Variants in GALNT18 observed in about 807,000 individuals in gnomAD.
The protein encoded by GALNT18 is GalNAc-transferase 18.
In GALNT18, 44 loss-of-function variants were observed where a neutral mutation model predicts 69.5. The observed-to-expected ratio is 0.63, with a 90% CI of 0.50 to 0.81. The LOEUF (loss-of-function observed/expected upper bound fraction) is 0.81. Among genes scored for constraint, GALNT18 ranks in the 40% least tolerant of loss-of-function variants. GALNT18 has a pLI of 0.00. For missense variants in GALNT18, 715 were observed against 810.0 expected (o/e 0.88, Z 1.42); for synonymous variants, 364 against 318.2 (o/e 1.14, Z -1.53).
chr11:11,359,592 A>G (rs566195563), intron 6 of GALNT18, among the ~76,000 whole-genome samples: 1 of 152,114 alleles, frequency 6.6e-6, no homozygotes, highest in African/African-American at 2.4e-5. Flanking sequence ...TTACCCCTCC[A>G]GTTCTGAAGT....
intron 1 of GALNT18, among the ~76,000 whole-genome samples, chr11:11,489,645 T>C (rs565594523): frequency 1.3e-5 from 2 of 152,348 alleles, no homozygotes; most frequent in Admixed American, 1.3e-4. Flanking sequence ...AGGAATGTTC[T>C]TAATTTCTCT....
Position 11,383,304 on chromosome 11 carries a change from T to C in GALNT18, c.596-4040A>G, listed in dbSNP as rs1430628539. ...CTCATCTACCCCCTTCCACTGCTTC[T>C]ATAAGAAGTTGTTGGCTCCACAACC... On this transcript the variant is annotated intron_variant, in intron 3 of 10. Transcript: ENST00000227756. The surrounding 1 kb of genome is among the most constrained non-coding windows in gnomAD (Gnocchi z 5.2). 6.6e-6 allele frequency among the ~76,000 whole-genome samples: 1 copy of C among 152,214 alleles called. No individual in the cohort carries two copies. The highest frequency in any genetic ancestry group is 1.5e-5 in the Non-Finnish European group (1 of 68,038).
chr11:11,507,954 C>T (rs181501552), intron 1 of GALNT18, among the ~76,000 whole-genome samples: 43 of 152,310 alleles, frequency 2.8e-4, no homozygotes, highest in Admixed American at 2.2e-3. Context: ...GTTCTACCTT[C>T]GACCACAGAC....
At chr11:11,344,228 C>G (rs187824555) in intron 6 of GALNT18, among the ~76,000 whole-genome samples, 10,725 of 147,304 alleles carry the variant, frequency 0.073, 414 homozygotes, top group East Asian at 0.17. Context: ...GCTGTAGCCA[C>G]GCTATTTTTT....
rs189325970 is a variant in GALNT18 at position 11,364,822 on chromosome 11, A to C, written c.1092+7693T>G. On this transcript the variant is annotated intron_variant, in intron 6 of 10. Transcript: ENST00000227756. ...ACTGAAATATTTTTGATGAAATGAT[A>C]TGATGTCTGGGATTTCCCTCAAAAT... 2.9e-3 allele frequency among the ~76,000 whole-genome samples: 440 copies of C among 152,296 alleles called. 1 individual carries two copies. The highest frequency in any genetic ancestry group is 7.8e-3 in the Admixed American group (120 of 15,298).
rs369900506 is a variant in GALNT18 at position 11,321,128 on chromosome 11, C to G, written c.1512+5958G>C. On this transcript the variant is annotated intron_variant, in intron 9 of 10. Coordinates refer to ENST00000227756, the MANE Select transcript of GALNT18 (RefSeq NM_198516.3). ...ACAAATTCACAGTTTCCCACGCCAA[C>G]TGAATTTCAAAACAAAGGAATTAGA... 8.5e-5 allele frequency among the ~76,000 whole-genome samples: 13 copies of G among 152,316 alleles called. No homozygotes were observed. In the South Asian group the frequency reaches 2.7e-3, roughly 32 times the overall value.
intron 9 of GALNT18, among the ~76,000 whole-genome samples, chr11:11,321,578 A>G (rs1261659674): frequency 6.6e-6 from 1 of 152,254 alleles, no homozygotes; most frequent in East Asian, 1.9e-4. Flanking sequence ...TAACTCAGTG[A>G]TGCTCCAACA....
chr11:11,492,515 A>G (rs1236101183), intron 1 of GALNT18, among the ~76,000 whole-genome samples: 1 of 152,236 alleles, frequency 6.6e-6, no homozygotes, highest in African/African-American at 2.4e-5. Context: ...CATCAATGAT[A>G]GACTGGATAA....
chr11:11,282,273 G>C (rs953621940), intron 10 of GALNT18, among the ~76,000 whole-genome samples: 17 of 152,140 alleles, frequency 1.1e-4, no homozygotes, highest in African/African-American at 3.9e-4. Flanking sequence ...AGCACCGTGG[G>C]AGCAGCCTCC....
chr11:11,430,649 A>G lies in GALNT18; in HGVS notation c.595+1972T>C, dbSNP rs1855244166. Among the ~76,000 whole-genome samples, 1 of 152,104 alleles carries G rather than the reference A, an allele frequency of 6.6e-6. No individual in the cohort carries two copies. The highest frequency in any genetic ancestry group is 2.1e-4 in the South Asian group (1 of 4,816). On this transcript the variant is annotated intron_variant, in intron 3 of 10. Transcript: ENST00000227756. This position sits in a 1 kb window ranked among gnomAD's most constrained non-coding sequence, Gnocchi z 4.9. ...GGGGCAATGCATTGCCATCCTCTGA[A>G]TCACCCTGGCTTGAAACTCTGAGCC...
chr11:11,503,966 G>T (rs1050986232), intron 1 of GALNT18, among the ~76,000 whole-genome samples: 4 of 152,120 alleles, frequency 2.6e-5, no homozygotes, highest in Non-Finnish European at 5.9e-5. Context: ...AACAGCAAAG[G>T]TTCATTTAGT....
chr11:11,284,643 G>A (rs1474111976), intron 10 of GALNT18, among the ~76,000 whole-genome samples: 1 of 152,150 alleles, frequency 6.6e-6, no homozygotes, highest in Non-Finnish European at 1.5e-5. Context: ...ATACTTCTCT[G>A]CTTATTTTAG....
rs540911513 is a variant in GALNT18, at chr11:11,389,691, G to A, written c.596-10427C>T. On this transcript the variant is annotated intron_variant, in intron 3 of 10. Transcript: ENST00000227756. The surrounding 1 kb of genome is among the most constrained non-coding windows in gnomAD (Gnocchi z 4.3). ...AGAAGAGTCCTCCCATGAGCTTCTA[G>A]GGAGGGCGTACCAAGAACTCAAAGC... is the stretch of plus-strand genomic sequence containing the variant. 6.6e-6 allele frequency among the ~76,000 whole-genome samples: 1 copy of A among 152,316 alleles called. No homozygotes were observed. The highest frequency in any genetic ancestry group is 2.4e-5 in the African/African-American group (1 of 41,582).
At chr11:11,324,112 C>T (rs535072431) in intron 9 of GALNT18, among the ~76,000 whole-genome samples, 1 of 152,282 alleles carries the variant, frequency 6.6e-6, no homozygotes, top group African/African-American at 2.4e-5. Context: ...AGAAAGGAGC[C>T]CTCACCAGAA....
At chr11:11,397,458 G>T (rs1387041320) in intron 3 of GALNT18, among the ~76,000 whole-genome samples, 3 of 152,098 alleles carry the variant, frequency 2.0e-5, no homozygotes, top group South Asian at 2.1e-4. Context: ...AGGACCTGGA[G>T]AACTCTTGAG....
intron 9 of GALNT18, among the ~76,000 whole-genome samples, chr11:11,311,020 C>A (rs1358401659): frequency 6.6e-6 from 1 of 152,136 alleles, no homozygotes. Flanking sequence ...GATTCTCAGC[C>A]AGGAGTGGTA....
At position 11,435,093 on chromosome 11, in the gene GALNT18, T is replaced by A. The variant is rs2133799009; in HGVS notation, c.429-2306A>T. Among the ~76,000 whole-genome samples, 1 of 152,348 alleles carries A rather than the reference T, an allele frequency of 6.6e-6. No homozygotes were observed. The highest frequency in any genetic ancestry group is 2.4e-5 in the African/African-American group (1 of 41,574). On this transcript the variant is annotated intron_variant, in intron 2 of 10. Coordinates refer to ENST00000227756, the MANE Select transcript of GALNT18 (RefSeq NM_198516.3). This position sits in a 1 kb window ranked among gnomAD's most constrained non-coding sequence, Gnocchi z 4.4. Reference sequence around the variant, plus strand: ...ACAGCTCCCAAGAAGGCCAATGGATTGGCACAAGTTCACTGTCCTCCCTAC... The same window carrying A: ...ACAGCTCCCAAGAAGGCCAATGGATAGGCACAAGTTCACTGTCCTCCCTAC...
intron 10 of GALNT18, among the ~76,000 whole-genome samples, chr11:11,276,882 G>A (rs1232595050): frequency 2.6e-5 from 4 of 152,204 alleles, no homozygotes; most frequent in Admixed American, 6.5e-5. Context: ...TGGTGGATAA[G>A]CTTTTTGATG....
intron 9 of GALNT18, among the ~76,000 whole-genome samples, chr11:11,321,424 C>T (rs1849837177): frequency 6.6e-6 from 1 of 152,074 alleles, no homozygotes; most frequent in African/African-American, 2.4e-5. Context: ...AATTCTACCT[C>T]AATAAAATAG....
Sources: allele counts gnomAD v4.1 joint callset (sites outside exome capture counted in the v4.1 genomes callset), GRCh38; gene constraint gnomAD v4.1.1; non-coding constraint Gnocchi (gnomAD v3.1); transcripts MANE v1.5; gene names NCBI Gene and HGNC (gene_info 2026-07-23, HGNC 2026-07-21).